Variants in NOXRED1 observed in about 807,000 individuals in gnomAD.
NOXRED1 encodes the protein NADP-dependent oxidoreductase domain-containing protein 1.
In NOXRED1, 20 loss-of-function variants were observed where a neutral mutation model predicts 30.4. The ratio of observed to expected loss-of-function variants is 0.66; its 90% confidence interval spans 0.46 to 0.96. The LOEUF (loss-of-function observed/expected upper bound fraction) is 0.96, where lower values mean the gene tolerates loss of function less well. Among genes scored for constraint, NOXRED1 ranks in the 40% least tolerant of loss-of-function variants. The pLI is 0.00. For missense variants in NOXRED1, 374 were observed against 428.0 expected (o/e 0.87, Z 1.11); for synonymous variants, 155 against 168.0 (o/e 0.92, Z 0.60).
chr14:77,417,258 G>A (rs566247727), intron 1 of NOXRED1, among the ~76,000 whole-genome samples: 20 of 152,110 alleles, frequency 1.3e-4, no homozygotes, highest in Admixed American at 1.2e-3. Context: ...TGAAAAGAAC[G>A]TGTATTCTGC....
At chr14:77,400,155 A>G (rs1023206288) in intron 5 of NOXRED1, among the ~76,000 whole-genome samples, 2 of 152,222 alleles carry the variant, frequency 1.3e-5, no homozygotes, top group Non-Finnish European at 2.9e-5. Flanking sequence ...AGACTTTACC[A>G]AACAAAAATT....
intron 1 of NOXRED1, among the ~76,000 whole-genome samples, chr14:77,420,171 T>G (rs1218585831): frequency 6.6e-6 from 1 of 152,174 alleles, no homozygotes; most frequent in Non-Finnish European, 1.5e-5. Context: ...CTTTTCTTTT[T>G]GCTCTTCTGA....
At position 77,416,925 on chromosome 14, in the gene NOXRED1, T is replaced by C. The variant is rs562568582; in HGVS notation, c.156-2798A>G. The stretch of plus-strand genomic sequence containing the variant: ...GGGCGGCCCTTTCTTATTTTTAACG[T>C]AGGCATTTACCCCTATAAAGTTTGC... On this transcript the variant is annotated intron_variant, in intron 1 of 5. Coordinates refer to ENST00000380835, the MANE Select transcript of NOXRED1 (RefSeq NM_001113475.3). 1.8e-4 allele frequency among the ~76,000 whole-genome samples: 28 copies of C among 152,334 alleles called. No individual in the cohort carries two copies. In the East Asian group the frequency reaches 4.1e-3, roughly 22 times the overall value.
At chr14:77,401,675 C>T (rs1031555568) in intron 5 of NOXRED1, among the ~76,000 whole-genome samples, 1 of 152,212 alleles carries the variant, frequency 6.6e-6, no homozygotes, top group African/African-American at 2.4e-5. Context: ...CACTGCACCC[C>T]AGCTGGGGCA....
At chr14:77,419,610 G>A (rs35168310) in intron 1 of NOXRED1, among the ~76,000 whole-genome samples, 2,829 of 151,546 alleles carry the variant, frequency 0.019, 39 homozygotes, top group Non-Finnish European at 0.028. Flanking sequence ...CACCACGCCC[G>A]GCTAATTTTT....
At chr14:77,404,947 C>T (rs1047678716) in intron 5 of NOXRED1, among the ~76,000 whole-genome samples, 5 of 151,812 alleles carry the variant, frequency 3.3e-5, no homozygotes, top group Admixed American at 6.6e-5. Context: ...GAAGTGGCAC[C>T]CTCATATGCT....
At chr14:77,418,555 G>C (rs754530575) in intron 1 of NOXRED1, among the ~76,000 whole-genome samples, 2 of 151,022 alleles carry the variant, frequency 1.3e-5, no homozygotes, top group Non-Finnish European at 2.9e-5. Flanking sequence ...TATGAGACAG[G>C]GTCTCGCTCT....
chr14:77,401,586 GT>G (rs1403471281), intron 5 of NOXRED1, among the ~76,000 whole-genome samples: 1 of 152,128 alleles, frequency 6.6e-6, no homozygotes, highest in Non-Finnish European at 1.5e-5. Context: ...TAGTTCTGTA[GT>G]TCTAGCTACT....
At chr14:77,424,706 T>C (rs975553647), upstream of NOXRED1, among the ~76,000 whole-genome samples, 5 of 152,204 alleles carry the variant, frequency 3.3e-5, no homozygotes, top group Non-Finnish European at 4.4e-5. Context: ...CCTTTACTTA[T>C]GCATTCTCAA....
intron 1 of NOXRED1, among the ~76,000 whole-genome samples, chr14:77,416,819 G>T (rs1894838732): frequency 6.6e-6 from 1 of 151,858 alleles, no homozygotes; most frequent in Non-Finnish European, 1.5e-5. Context: ...AGGGCGGCTG[G>T]CCGGGCGGGG....
chr14:77,410,380 G>C (rs900076769), intron 2 of NOXRED1, among the ~76,000 whole-genome samples: 1 of 152,088 alleles, frequency 6.6e-6, no homozygotes, highest in African/African-American at 2.4e-5. Context: ...TAAGGCAAAT[G>C]GATCACTTGA....
upstream of NOXRED1, among the ~76,000 whole-genome samples, chr14:77,425,774 G>C (rs1481395141): frequency 6.6e-6 from 1 of 152,258 alleles, no homozygotes; most frequent in Non-Finnish European, 1.5e-5. Context: ...TGTGGCAACA[G>C]AAAGCAACTT....
intron 5 of NOXRED1, among the ~76,000 whole-genome samples, chr14:77,398,138 T>G (rs1470907644): frequency 6.6e-6 from 1 of 152,074 alleles, no homozygotes; most frequent in Admixed American, 6.6e-5. Flanking sequence ...AGTGCCAAGA[T>G]AGGGAACCCG....
Position 77,422,902 on chromosome 14 carries a change from A to G in NOXRED1, c.-13T>C, listed in dbSNP as rs759385180. On this transcript the variant is annotated 5_prime_UTR_variant, in exon 1 of 6. Transcript: ENST00000380835. ...GGAGCATGTCCATTTCCAAGCCACT[A>G]TTTCCTGCAGTGATAGACACTAATC... 4 of 1,608,494 alleles carry G rather than the reference A, an allele frequency of 2.5e-6. No homozygotes were observed. The highest frequency in any genetic ancestry group is 3.4e-5 in the Admixed American group (2 of 58,778).
chr14:77,416,854 G>A (rs1324314709), intron 1 of NOXRED1, among the ~76,000 whole-genome samples: 7 of 150,324 alleles, frequency 4.7e-5, no homozygotes, highest in Admixed American at 1.3e-4. Context: ...CCTCCCTCCC[G>A]GACGGGGCGG....
chr14:77,412,395 C>T (rs1415321662), intron 2 of NOXRED1, among the ~76,000 whole-genome samples: 1 of 152,104 alleles, frequency 6.6e-6, no homozygotes, highest in Non-Finnish European at 1.5e-5. Context: ...ATAGTCTGTG[C>T]ATCCAAACAC....
chr14:77,412,997 C>CAAATTTTCTAAA (rs1894703024), intron 2 of NOXRED1, among the ~76,000 whole-genome samples: 1 of 151,600 alleles, frequency 6.6e-6, no homozygotes, highest in Non-Finnish European at 1.5e-5. Context: ...CTACAATATG[C>CAAATTTTCTAAA]ATATTATTTT....
At chr14:77,394,894 T>TGAGGCAGCGGCTGGAGGAGCGGACGGG in intron 5 of NOXRED1, 89 bp from the exon 6 acceptor site, 1 of 873,442 alleles carries the variant, frequency 1.1e-6, no homozygotes, top group Non-Finnish European at 1.8e-6. Context: ...AAAGTTTTCC[T>TGAGGCAGCGGCTGGAGGAGCGGACGGG]CATTACCTTT....
chr14:77,400,917 G>C (rs1894310078), intron 5 of NOXRED1, among the ~76,000 whole-genome samples: 1 of 152,108 alleles, frequency 6.6e-6, no homozygotes, highest in African/African-American at 2.4e-5. Context: ...AAACTGATGA[G>C]AGAAGTCTAA....
Sources: allele counts gnomAD v4.1 joint callset (sites outside exome capture counted in the v4.1 genomes callset), GRCh38; gene constraint gnomAD v4.1.1; transcripts MANE v1.5; gene names NCBI Gene and HGNC (gene_info 2026-07-23, HGNC 2026-07-21).